TECPR2: variants seen among roughly 807,000 people sequenced by gnomAD.
TECPR2 encodes the protein tectonin beta-propeller repeat containing 2.
In TECPR2, 65 loss-of-function variants were observed where a neutral mutation model predicts 138.1. That is an observed-to-expected ratio of 0.47 (90% confidence interval 0.39 to 0.58). The LOEUF is 0.58. TECPR2 is among the 20% of genes least tolerant of loss of function. TECPR2 has a pLI of 0.00. For missense variants in TECPR2, 1,553 were observed against 1,824.5 expected (o/e 0.85, Z 2.71); for synonymous variants, 746 against 749.8 (o/e 0.99, Z 0.08).
Position 102,431,787 on chromosome 14 carries a change from C to T in TECPR2, c.1085-9C>T, listed in dbSNP as rs368765168. The T allele has an allele frequency of 1.3e-6, 2 of 1,537,614 alleles. No homozygotes were observed. Among genetic ancestry groups the T allele is most frequent in the South Asian group, 1.2e-5 (1 of 81,548 alleles). Reference sequence around the variant, plus strand: ...TCACCAGTGGTAAAACCAGACTCTTCTTTCTTAGTGAGAGATGGTCTGGAG... The same window carrying T: ...TCACCAGTGGTAAAACCAGACTCTTTTTTCTTAGTGAGAGATGGTCTGGAG... On this transcript the variant is annotated splice_polypyrimidine_tract_variant and intron_variant, in intron 7 of 19. Coordinates refer to ENST00000359520, the MANE Select transcript of TECPR2 (RefSeq NM_014844.5).
chr14:102,380,771 C>T (rs1205392683), intron 2 of TECPR2, among the ~76,000 whole-genome samples: 7 of 152,200 alleles, frequency 4.6e-5, no homozygotes, highest in South Asian at 4.1e-4. Flanking sequence ...CTCCGCCTCC[C>T]GGGTTCAAGC....
chr14:102,474,308 C>T (rs182306778), intron 17 of TECPR2, among the ~76,000 whole-genome samples: 1 of 151,946 alleles, frequency 6.6e-6, no homozygotes, highest in Non-Finnish European at 1.5e-5. Context: ...TCACTGAAAA[C>T]CTAGAAGAAA....
At chr14:102,413,538 C>G (rs554323506) in intron 4 of TECPR2, among the ~76,000 whole-genome samples, 1 of 151,824 alleles carries the variant, frequency 6.6e-6, no homozygotes, top group African/African-American at 2.4e-5. Flanking sequence ...GCCACCTCGC[C>G]CAGCTAAATT....
chr14:102,432,774 G>A (rs999773589), intron 8 of TECPR2, among the ~76,000 whole-genome samples: 2 of 151,912 alleles, frequency 1.3e-5, no homozygotes, highest in South Asian at 2.1e-4. Flanking sequence ...GGGAGGCCGA[G>A]GCAGGCGGAT....
At chr14:102,439,111 G>A (rs925151050) in intron 10 of TECPR2, among the ~76,000 whole-genome samples, 6 of 151,932 alleles carry the variant, frequency 3.9e-5, no homozygotes, top group South Asian at 4.2e-4. Context: ...TGATCCGCCC[G>A]CCTCAGCCTC....
In TECPR2 at chr14:102,463,721, C is replaced by T. The variant is rs1890476047; in HGVS notation, c.3641-1420C>T. ...GGTGGATCACTTGAGGTCAGGAGTT[C>T]GAGACCAGCCTGGCCGACATGATTA... On this transcript the variant is annotated intron_variant, in intron 16 of 19. Coordinates refer to ENST00000359520, the MANE Select transcript of TECPR2 (RefSeq NM_014844.5). Among the ~76,000 whole-genome samples, 3 of 151,782 alleles carry T rather than the reference C, an allele frequency of 2.0e-5. No homozygotes were observed. In the South Asian group the frequency reaches 6.2e-4, roughly 32 times the overall value.
At chr14:102,437,029 G>C in intron 9 of TECPR2, 3 of 985,450 alleles carry the variant, frequency 3.0e-6, no homozygotes, top group Non-Finnish European at 3.6e-6. Flanking sequence ...TCCCACTCCA[G>C]GTAGCTGGGA....
intron 17 of TECPR2, among the ~76,000 whole-genome samples, chr14:102,480,264 G>A (rs192575709): frequency 8.0e-5 from 12 of 149,264 alleles, no homozygotes; most frequent in Admixed American, 3.4e-4. Flanking sequence ...TTGCTCTGTC[G>A]CCCAGGCTGG....
Position 102,365,601 on chromosome 14 carries a change from A to G in TECPR2, c.-73+2485A>G, listed in dbSNP as rs3759565. 2.3e-3 allele frequency among the ~76,000 whole-genome samples: 350 copies of G among 152,362 alleles called. 12 individuals are homozygous for G. In the East Asian group the frequency reaches 0.047, roughly 21 times the overall value. ...GAGGAACCTTGAGAACATTAGGCTA[A>G]GTGAAAGCAACCAGACACAAAATAC... On this transcript the variant is annotated intron_variant, in intron 1 of 19. Transcript: ENST00000359520.
intron 6 of TECPR2, among the ~76,000 whole-genome samples, chr14:102,426,652 A>G (rs1567335643): frequency 6.6e-6 from 1 of 152,188 alleles, no homozygotes; most frequent in Non-Finnish European, 1.5e-5. Context: ...TGAGGTCAGG[A>G]GTTCAAGGCC....
intron 17 of TECPR2, among the ~76,000 whole-genome samples, chr14:102,488,250 C>T (rs561050610): frequency 5.1e-4 from 77 of 149,696 alleles, no homozygotes; most frequent in African/African-American, 1.7e-3. Context: ...AGCTACTGGG[C>T]TCAGGCAATT....
At chr14:102,425,469 G>A (rs1889291742) in intron 6 of TECPR2, among the ~76,000 whole-genome samples, 178 bp downstream of exon 6, 1 of 150,102 alleles carries the variant, frequency 6.7e-6, no homozygotes, top group South Asian at 2.1e-4. Flanking sequence ...TTATAGATTT[G>A]AAAAAAAAAA....
intron 17 of TECPR2, among the ~76,000 whole-genome samples, chr14:102,484,286 G>GCT (rs1890970860): frequency 6.6e-6 from 1 of 152,098 alleles, no homozygotes; most frequent in Non-Finnish European, 1.5e-5. Flanking sequence ...TTGTTTGATG[G>GCT]CTGTAGAGTC....
chr14:102,473,322 A>G (rs1338961999), intron 17 of TECPR2, among the ~76,000 whole-genome samples: 3 of 152,234 alleles, frequency 2.0e-5, no homozygotes, highest in East Asian at 1.9e-4. Context: ...GGGTCCTGCA[A>G]ATGAGCCCAG....
At chr14:102,380,095 A>C (rs1887760291) in intron 2 of TECPR2, among the ~76,000 whole-genome samples, 1 of 149,964 alleles carries the variant, frequency 6.7e-6, no homozygotes. Context: ...CACCCTAGTC[A>C]CACTGCTGAA....
chr14:102,369,772 T>C (rs559791335), intron 1 of TECPR2, among the ~76,000 whole-genome samples: 2 of 151,322 alleles, frequency 1.3e-5, no homozygotes, highest in South Asian at 4.2e-4. Flanking sequence ...AAACCCCGTC[T>C]CTACTAAAAA....
chr14:102,377,332 G>A (rs925593712), intron 2 of TECPR2, among the ~76,000 whole-genome samples: 4 of 152,046 alleles, frequency 2.6e-5, no homozygotes, highest in Non-Finnish European at 4.4e-5. Context: ...TTTTTGTTTT[G>A]TTTTGTCTGT....
At chr14:102,379,112 G>A (rs1212527572) in intron 2 of TECPR2, among the ~76,000 whole-genome samples, 1 of 152,154 alleles carries the variant, frequency 6.6e-6, no homozygotes, top group African/African-American at 2.4e-5. Flanking sequence ...AGGAAGACTC[G>A]TGAATCCAAC....
chr14:102,390,430 T>C (rs1379228617), intron 2 of TECPR2, among the ~76,000 whole-genome samples: 1 of 151,858 alleles, frequency 6.6e-6, no homozygotes, highest in Non-Finnish European at 1.5e-5. Flanking sequence ...TTAAACACAA[T>C]AGATGAGATC....
Sources: allele counts gnomAD v4.1 joint callset (sites outside exome capture counted in the v4.1 genomes callset), GRCh38; gene constraint gnomAD v4.1.1; transcripts MANE v1.5; gene names NCBI Gene and HGNC (gene_info 2026-07-23, HGNC 2026-07-21).